DLG1: variants seen among roughly 807,000 people sequenced by gnomAD.
DLG1 encodes the protein disks large homolog 1.
Under a neutral mutation model 123.4 loss-of-function variants are expected in DLG1, and 42 were observed. The ratio of observed to expected loss-of-function variants is 0.34; its 90% CI spans 0.27 to 0.44. The LOEUF (loss-of-function observed/expected upper bound fraction) is 0.44, where lower values mean the gene tolerates loss of function less well. Among genes scored for constraint, DLG1 ranks in the 20% least tolerant of loss-of-function variants. The pLI is 1.00. For missense variants in DLG1, 942 were observed against 1,082.6 expected (o/e 0.87, Z 1.82); for synonymous variants, 317 against 356.2 (o/e 0.89, Z 1.24).
intron 6 of DLG1, among the ~76,000 whole-genome samples, chr3:197,143,540 G>GCC (rs1376830069): frequency 6.6e-6 from 1 of 152,120 alleles, no homozygotes; most frequent in African/African-American, 2.4e-5. Context: ...ACAGGCGTGA[G>GCC]CCACCGTGCC....
intron 23 of DLG1, 29 bp downstream of exon 23, chr3:197,059,860 G>C: frequency 6.9e-7 from 1 of 1,455,194 alleles, no homozygotes; most frequent in South Asian, 1.2e-5. Flanking sequence ...TTTGTACACA[G>C]AGGCTATGCC....
intron 5 of DLG1, among the ~76,000 whole-genome samples, chr3:197,178,822 T>C (rs1286374384): frequency 1.3e-5 from 2 of 151,846 alleles, no homozygotes; most frequent in Non-Finnish European, 2.9e-5. Context: ...GCCACTGGAT[T>C]TGATAATCTA....
intron 4 of DLG1, among the ~76,000 whole-genome samples, chr3:197,248,358 C>A (rs1752779343): frequency 6.6e-6 from 1 of 152,124 alleles, no homozygotes; most frequent in Non-Finnish European, 1.5e-5. Context: ...CCAGGTGGGT[C>A]TCAATCTCTT....
intron 14 of DLG1, among the ~76,000 whole-genome samples, chr3:197,099,201 G>A (rs1027025600): frequency 3.9e-5 from 6 of 152,154 alleles, no homozygotes; most frequent in African/African-American, 1.4e-4. Context: ...AAGTAGCTGA[G>A]CCTACAGGCA....
intron 3 of DLG1, among the ~76,000 whole-genome samples, chr3:197,292,300 C>T (rs1402160128): frequency 1.3e-5 from 2 of 152,134 alleles, no homozygotes; most frequent in Non-Finnish European, 1.5e-5. Flanking sequence ...GGAAGAAAAT[C>T]CTGTCAACAA....
chr3:197,297,481 C>G, intron 1 of DLG1: 1 of 1,319,230 alleles, frequency 7.6e-7, no homozygotes, highest in Non-Finnish European at 9.7e-7. Flanking sequence ...GAAAGCGTCC[C>G]CTCCCCAAAG....
At chr3:197,182,765 T>C (rs1713137636) in intron 5 of DLG1, among the ~76,000 whole-genome samples, 1 of 152,184 alleles carries the variant, frequency 6.6e-6, no homozygotes, top group African/African-American at 2.4e-5. Flanking sequence ...TAAAAATATT[T>C]AGAAATATGA....
intron 3 of DLG1, among the ~76,000 whole-genome samples, chr3:197,290,612 A>C (rs1427559936): frequency 6.6e-6 from 1 of 151,938 alleles, no homozygotes; most frequent in African/African-American, 2.4e-5. Context: ...AATTATATTA[A>C]AAAAAAGTAA....
At chr3:197,074,628 T>C (rs774166776) in intron 18 of DLG1, among the ~76,000 whole-genome samples, 25 of 152,098 alleles carry the variant, frequency 1.6e-4, no homozygotes, top group Non-Finnish European at 3.2e-4. Context: ...GAGGTTTTCA[T>C]TGATAATTTT....
rs369365071 is a variant in DLG1, at chr3:197,170,304, TTC to T, written c.484-20510_484-20509del. 1.3e-3 allele frequency among the ~76,000 whole-genome samples: 191 copies of T among 152,332 alleles called. 2 individuals are homozygous for T. Among genetic ancestry groups the T allele is most frequent in the African/African-American group, 4.0e-3 (167 of 41,568 alleles). On this transcript the variant is annotated intron_variant, in intron 5 of 24. Coordinates refer to ENST00000667157, the MANE Select transcript of DLG1 (RefSeq NM_001366207.1). Reference sequence around the variant, plus strand: ...ATAGGATTGCTGGGTTGAATTGTATTTCTGTTTTTAGGTCTCTGAGGAACCAC... The same window carrying T: ...ATAGGATTGCTGGGTTGAATTGTATTTGTTTTTAGGTCTCTGAGGAACCAC...
intron 4 of DLG1, among the ~76,000 whole-genome samples, chr3:197,261,474 C>T (rs943647441): frequency 1.6e-4 from 24 of 152,298 alleles, no homozygotes; most frequent in Admixed American, 1.4e-3. Flanking sequence ...AATTTTCTAA[C>T]AAATTTTTAA....
chr3:197,172,548 G>C (rs890957077), intron 5 of DLG1, among the ~76,000 whole-genome samples: 3 of 152,048 alleles, frequency 2.0e-5, no homozygotes, highest in African/African-American at 4.8e-5. Context: ...TATATTTGTT[G>C]AATGAATAAA....
chr3:197,297,527 G>A (rs996524551), intron 1 of DLG1: 5 of 1,183,148 alleles, frequency 4.2e-6, no homozygotes, highest in Middle Eastern at 3.6e-4. Context: ...CCCCGCACAA[G>A]TATCCACACT....
At chr3:197,222,979 C>T (rs1342813742) in intron 4 of DLG1, among the ~76,000 whole-genome samples, 1 of 152,156 alleles carries the variant, frequency 6.6e-6, no homozygotes, top group Admixed American at 6.5e-5. Context: ...ACCTCATTTC[C>T]TCCTAGGGAC....
intron 13 of DLG1, among the ~76,000 whole-genome samples, chr3:197,110,432 C>G (rs1769231534): frequency 6.6e-6 from 1 of 152,064 alleles, no homozygotes; most frequent in South Asian, 2.1e-4. Flanking sequence ...GGATGGTTTT[C>G]TTTTATTCCT....
intron 4 of DLG1, among the ~76,000 whole-genome samples, chr3:197,196,637 A>G (rs1439290445): frequency 4.6e-5 from 7 of 152,226 alleles, no homozygotes; most frequent in African/African-American, 1.7e-4. Context: ...AACTGACAAT[A>G]AACTGCCTAT....
At chr3:197,050,523 C>T (rs1265908260) in intron 24 of DLG1, among the ~76,000 whole-genome samples, 1 of 152,122 alleles carries the variant, frequency 6.6e-6, no homozygotes, top group Non-Finnish European at 1.5e-5. Flanking sequence ...TCATCTGCAA[C>T]AACCAACATG....
chr3:197,208,438 A>T (rs1471492406), intron 4 of DLG1, among the ~76,000 whole-genome samples: 1 of 146,856 alleles, frequency 6.8e-6, no homozygotes, highest in Non-Finnish European at 1.5e-5. Context: ...CCATGTTTAC[A>T]ATCGAAGTGT....
intron 4 of DLG1, 62 bp from the exon 5 acceptor site, chr3:197,194,651 GT>G: frequency 8.0e-7 from 1 of 1,243,950 alleles, no homozygotes; most frequent in South Asian, 1.5e-5. Context: ...TCAAATCATG[GT>G]TTTCATAACT....
Sources: allele counts gnomAD v4.1 joint callset (sites outside exome capture counted in the v4.1 genomes callset), GRCh38; gene constraint gnomAD v4.1.1; transcripts MANE v1.5; gene names NCBI Gene and HGNC (gene_info 2026-07-23, HGNC 2026-07-21).